The following RPS6KA5 variants were observed in gnomAD, a reference collection of about 807,000 sequenced individuals.
The protein encoded by RPS6KA5 is ribosomal protein S6 kinase alpha-5.
RPS6KA5 carries 27 observed loss-of-function variants against 85.5 expected under a neutral mutation model. The ratio of observed to expected loss-of-function variants is 0.32; its 90% CI spans 0.23 to 0.44. RPS6KA5 has a LOEUF of 0.44. RPS6KA5 is among the 20% of genes least tolerant of loss of function. The pLI is 1.00. For synonymous variants in RPS6KA5, 334 were observed against 348.2 expected (o/e 0.96, Z 0.46); for missense variants, 811 against 980.9 (o/e 0.83, Z 2.31).
intron 1 of RPS6KA5, among the ~76,000 whole-genome samples, chr14:91,037,396 T>C (rs1338054873): frequency 6.6e-6 from 1 of 152,220 alleles, no homozygotes; most frequent in African/African-American, 2.4e-5. Context: ...CTAGCCCTAA[T>C]GGTATCACCA....
At chr14:90,941,341 A>G (rs1302163689) in intron 5 of RPS6KA5, among the ~76,000 whole-genome samples, 1 of 152,184 alleles carries the variant, frequency 6.6e-6, no homozygotes, top group African/African-American at 2.4e-5. Context: ...ATTACTGACA[A>G]CATCTATGGA....
rs541977201 is a variant in RPS6KA5, at chr14:90,921,934, A to AG, written c.702+1178dup. Among the ~76,000 whole-genome samples, 10 of 152,334 alleles carry AG rather than the reference A, an allele frequency of 6.6e-5. 1 individual carries two copies. The East Asian group carries it at 1.9e-3, about 29-fold the overall frequency. On this transcript the variant is annotated intron_variant, in intron 6 of 16. Coordinates refer to ENST00000614987, the MANE Select transcript of RPS6KA5 (RefSeq NM_004755.4). Reference sequence around the variant, plus strand: ...GAACAAATTTTGTACCCTTTAATACAGAAAAAAAACCATGACCTAGATTTT... The same window carrying AG: ...GAACAAATTTTGTACCCTTTAATACAGGAAAAAAAACCATGACCTAGATTTT...
intron 1 of RPS6KA5, among the ~76,000 whole-genome samples, chr14:91,021,806 T>G (rs893939290): frequency 6.6e-6 from 1 of 152,182 alleles, no homozygotes; most frequent in Non-Finnish European, 1.5e-5. Flanking sequence ...GCCCCCTTTC[T>G]TTACTTTTCT....
At position 90,996,786 on chromosome 14, in the gene RPS6KA5, T is replaced by C. The variant is rs547664401; in HGVS notation, c.175+4302A>G. ...GTCAGGTAAACATTGCAAATAAGAA[T>C]AGCAATTTGTTTTCAAATTTTCAAG... On this transcript the variant is annotated intron_variant, in intron 2 of 16. Transcript: ENST00000614987. Among the ~76,000 whole-genome samples, 3 of 152,292 alleles carry C rather than the reference T, an allele frequency of 2.0e-5. No individual in the cohort carries two copies. In the South Asian group the frequency reaches 6.2e-4, roughly 32 times the overall value.
chr14:90,856,759 A>T lies in RPS6KA5; in HGVS notation c.*15315T>A, dbSNP rs2032307296. On this transcript the variant is annotated 3_prime_UTR_variant, in exon 17 of 17. Transcript: ENST00000614987. ...ACAATGTCTTGCAACCATTACCACTACCTAATTCCAGAACATTTTGATCAC... is the reference window on the plus strand; with the variant it reads ...ACAATGTCTTGCAACCATTACCACTTCCTAATTCCAGAACATTTTGATCAC... The T allele has an allele frequency of 6.6e-6, 1 of 152,200 alleles. No individual in the cohort carries two copies. Among genetic ancestry groups the T allele is most frequent in the Non-Finnish European group, 1.5e-5 (1 of 68,072 alleles). The allele number at this position is 152,200 out of a possible 1,614,324, so 9.4% of individuals were successfully genotyped here.
chr14:90,916,644 G>A (rs1181277922), intron 7 of RPS6KA5, among the ~76,000 whole-genome samples: 4 of 150,182 alleles, frequency 2.7e-5, no homozygotes, highest in African/African-American at 9.8e-5. Flanking sequence ...TGTAGTGTAG[G>A]ATAATTTAGT....
At position 90,974,907 on chromosome 14, in the gene RPS6KA5, G is replaced by T. The variant is rs570611313; in HGVS notation, c.394+3399C>A. ...ACAGCAATAAATAACTTGTACAACT[G>T]GGTTTTAAATGAAAATTTATTAGCT... On this transcript the variant is annotated intron_variant, in intron 3 of 16. Transcript: ENST00000614987. Among the ~76,000 whole-genome samples the T allele has an allele frequency of 1.1e-4, 16 of 152,258 alleles. No individual in the cohort carries two copies. The South Asian group carries it at 3.3e-3, about 32-fold the overall frequency.
intron 15 of RPS6KA5, among the ~76,000 whole-genome samples, chr14:90,874,969 C>T (rs578134851): frequency 6.6e-6 from 1 of 152,258 alleles, no homozygotes; most frequent in African/African-American, 2.4e-5. Flanking sequence ...TTTAGATGTG[C>T]TTGACTGAGA....
At chr14:91,030,738 T>C (rs180901777) in intron 1 of RPS6KA5, among the ~76,000 whole-genome samples, 150 of 134,120 alleles carry the variant, frequency 1.1e-3, no homozygotes, top group Middle Eastern at 5.3e-3. Context: ...AACCATAAAA[T>C]AGAAAAAGAG....
At chr14:90,942,996 C>T in intron 5 of RPS6KA5, 82 bp downstream of exon 5, 1 of 830,424 alleles carries the variant, frequency 1.2e-6, no homozygotes, top group Non-Finnish European at 2.1e-6. Context: ...GGGCAGTTTT[C>T]TGCTAAATGT....
chr14:90,953,076 A>G (rs1035484141), intron 3 of RPS6KA5, among the ~76,000 whole-genome samples: 5 of 152,216 alleles, frequency 3.3e-5, no homozygotes, highest in African/African-American at 9.6e-5. Flanking sequence ...ACCATGGCAC[A>G]TTTATATAAA....
chr14:90,884,603 G>C (rs2034067829), intron 14 of RPS6KA5, among the ~76,000 whole-genome samples: 1 of 152,180 alleles, frequency 6.6e-6, no homozygotes. Flanking sequence ...ATGGACTTCA[G>C]AGTTCCAAAA....
At position 90,950,891 on chromosome 14, in the gene RPS6KA5, C is replaced by A. The variant is rs181378379; in HGVS notation, c.395-3341G>T. Among the ~76,000 whole-genome samples, 736 of 152,138 alleles carry A rather than the reference C, an allele frequency of 4.8e-3. 2 individuals are homozygous for A. The highest frequency in any genetic ancestry group is 7.5e-3 in the Non-Finnish European group (510 of 68,002). ...ATCCCAGCACTTTGGGAGGCTGAGGCAGGCGGATCACTTGACGTCATGGGT... is the reference window on the plus strand; with the variant it reads ...ATCCCAGCACTTTGGGAGGCTGAGGAAGGCGGATCACTTGACGTCATGGGT... On this transcript the variant is annotated intron_variant, in intron 3 of 16. Transcript: ENST00000614987.
At chr14:91,021,015 T>G (rs1037653031) in intron 1 of RPS6KA5, among the ~76,000 whole-genome samples, 1 of 152,178 alleles carries the variant, frequency 6.6e-6, no homozygotes, top group Non-Finnish European at 1.5e-5. Context: ...ACATTAGATT[T>G]ATCATCCAGT....
chr14:91,045,136 T>C (rs1378209902), intron 1 of RPS6KA5, among the ~76,000 whole-genome samples: 1 of 152,232 alleles, frequency 6.6e-6, no homozygotes. Flanking sequence ...AGCCACTACA[T>C]TTGTGGTAAT....
intron 3 of RPS6KA5, among the ~76,000 whole-genome samples, chr14:90,977,288 G>A (rs150137368): frequency 1.5e-3 from 226 of 152,298 alleles, no homozygotes; most frequent in African/African-American, 4.8e-3. Context: ...ACAAGCACGG[G>A]ACCAAAATGG....
chr14:90,875,485 A>G, intron 14 of RPS6KA5, 125 bp from the exon 15 acceptor site: 1 of 842,898 alleles, frequency 1.2e-6, no homozygotes, highest in Non-Finnish European at 1.8e-6. Context: ...TTGAGTTTAA[A>G]AGATTACGTG....
chr14:90,908,715 CT>C (rs1429690581), intron 7 of RPS6KA5, among the ~76,000 whole-genome samples: 2 of 152,140 alleles, frequency 1.3e-5, no homozygotes, highest in Non-Finnish European at 2.9e-5. Flanking sequence ...TTATACCATA[CT>C]CTTGAAATGT....
chr14:90,972,837 T>C (rs930278603), intron 3 of RPS6KA5, among the ~76,000 whole-genome samples: 1 of 152,146 alleles, frequency 6.6e-6, no homozygotes, highest in Non-Finnish European at 1.5e-5. Flanking sequence ...TTACAATGCC[T>C]ACCAGAAATG....
Sources: allele counts gnomAD v4.1 joint callset (sites outside exome capture counted in the v4.1 genomes callset), GRCh38; gene constraint gnomAD v4.1.1; transcripts MANE v1.5; gene names NCBI Gene and HGNC (gene_info 2026-07-23, HGNC 2026-07-21).